Variants in CNTN5 observed in about 807,000 individuals in gnomAD.
CNTN5 encodes the protein contactin-5.
In CNTN5, 77 loss-of-function variants were observed where a neutral mutation model predicts 129.1. The observed-to-expected ratio is 0.60, with a 90% CI of 0.50 to 0.72. CNTN5 has a LOEUF of 0.72. CNTN5 is among the 30% of genes least tolerant of loss of function. CNTN5 has a pLI of 0.00. For missense variants in CNTN5, 1,478 were observed against 1,328.8 expected (o/e 1.11, Z -1.75); for synonymous variants, 509 against 465.6 (o/e 1.09, Z -1.20).
intron 9 of CNTN5, among the ~76,000 whole-genome samples, chr11:100,055,491 A>C (rs954829013): frequency 6.6e-6 from 1 of 151,682 alleles, no homozygotes; most frequent in East Asian, 1.9e-4. Flanking sequence ...AAACTTGTTC[A>C]ATATTTGTAG....
intron 1 of CNTN5, among the ~76,000 whole-genome samples, chr11:99,237,678 T>C (rs1046627567): frequency 1.1e-4 from 17 of 149,228 alleles, no homozygotes; most frequent in African/African-American, 4.1e-4. Context: ...AGACTCTGTC[T>C]CAAAAAGAAA....
At chr11:99,201,351 T>TTTCTTCCTTCCTTCCTTCCTTCC in intron 1 of CNTN5, among the ~76,000 whole-genome samples, 1 of 88,232 alleles carries the variant, frequency 1.1e-5, no homozygotes, top group Admixed American at 1.2e-4. Context: ...CTTCCTTTCC[T>TTTCTTCCTTCCTTCCTTCCTTCC]TTCCTTCCTT....
At chr11:99,023,216 T>C (rs1210761548) in intron 1 of CNTN5, among the ~76,000 whole-genome samples, 1 of 152,190 alleles carries the variant, frequency 6.6e-6, no homozygotes, top group Non-Finnish European at 1.5e-5. Context: ...ACATAGAATA[T>C]GTTTATGTAA....
rs571305986 is a variant in CNTN5, at chr11:99,941,622, G to A, written c.674-15184G>A. 6.3e-5 allele frequency among the ~76,000 whole-genome samples: 7 copies of A among 110,726 alleles called. No homozygotes were observed. In the South Asian group the frequency reaches 2.1e-3, roughly 34 times the overall value. 72.6% of individuals were successfully genotyped at this position (110,726 alleles called of 152,430 possible). On this transcript the variant is annotated intron_variant, in intron 7 of 24. Transcript: ENST00000524871. Reference sequence around the variant, plus strand: ...GAGATAGATAGAGATTGATTAGATTGATTATTGATAGTTCTAGTTAAGGTC... The same window carrying A: ...GAGATAGATAGAGATTGATTAGATTAATTATTGATAGTTCTAGTTAAGGTC...
chr11:99,510,170 G>C (rs1946781285), intron 2 of CNTN5, among the ~76,000 whole-genome samples: 2 of 151,910 alleles, frequency 1.3e-5, no homozygotes, highest in Admixed American at 6.6e-5. Context: ...CACAAGCAGA[G>C]AGTGCTTACA....
intron 9 of CNTN5, among the ~76,000 whole-genome samples, chr11:100,051,267 C>G (rs1032670744): frequency 1.2e-4 from 19 of 152,032 alleles, no homozygotes; most frequent in African/African-American, 4.1e-4. Flanking sequence ...AGTCTTACCC[C>G]TAAAAAAGAC....
chr11:99,201,022 CTTTTTT>C lies in CNTN5; in HGVS notation c.-209-124306_-209-124301del, dbSNP rs755605041. The stretch of plus-strand genomic sequence containing the variant: ...CCTGCCTTCCTTCCTTCCTTCCTTC[CTTTTTT>C]TTTTTTTTTTTTTTTTTCCAGAGTC... On this transcript the variant is annotated intron_variant, in intron 1 of 24. Coordinates refer to ENST00000524871, the MANE Select transcript of CNTN5 (RefSeq NM_014361.4). 4.8e-5 allele frequency among the ~76,000 whole-genome samples: 4 copies of C among 83,180 alleles called. No homozygotes were observed. In the East Asian group the frequency reaches 1.1e-3, roughly 24 times the overall value. 54.6% of individuals were successfully genotyped at this position (83,180 alleles called of 152,430 possible). A position where few individuals can be genotyped will look rare whatever the true frequency, so the allele number is the denominator to read the frequency against.
chr11:99,683,784 C>T (rs1433750452), intron 3 of CNTN5, among the ~76,000 whole-genome samples: 2 of 151,678 alleles, frequency 1.3e-5, no homozygotes, highest in Non-Finnish European at 3.0e-5. Flanking sequence ...ATTTGTCTTA[C>T]TGTAGTCAGT....
chr11:100,053,088 G>A (rs1943038570), intron 9 of CNTN5, among the ~76,000 whole-genome samples: 1 of 151,612 alleles, frequency 6.6e-6, no homozygotes. Flanking sequence ...GTAAATCTCT[G>A]TATTCTGTAT....
intron 13 of CNTN5, among the ~76,000 whole-genome samples, chr11:100,181,009 CT>C (rs1948124935): frequency 6.6e-6 from 1 of 151,942 alleles, no homozygotes; most frequent in Admixed American, 6.6e-5. Flanking sequence ...TCTTACGAAA[CT>C]ACATATGCAA....
chr11:99,637,590 AAGT>A (rs1404919443), intron 3 of CNTN5, among the ~76,000 whole-genome samples: 4 of 152,120 alleles, frequency 2.6e-5, no homozygotes, highest in African/African-American at 7.2e-5. Flanking sequence ...GTATTTTTTT[AAGT>A]AGTAGGAAAT....
chr11:99,650,505 A>G (rs569153335), intron 3 of CNTN5, among the ~76,000 whole-genome samples: 1 of 152,068 alleles, frequency 6.6e-6, no homozygotes, highest in South Asian at 2.1e-4. Flanking sequence ...CCATAAGAAC[A>G]TTACTGATTT....
At chr11:99,594,877 G>T (rs1326812617) in intron 3 of CNTN5, among the ~76,000 whole-genome samples, 1 of 152,160 alleles carries the variant, frequency 6.6e-6, no homozygotes, top group African/African-American at 2.4e-5. Context: ...AGGACACATA[G>T]GTGATAATAT....
chr11:99,500,485 C>T (rs954113992), intron 2 of CNTN5, among the ~76,000 whole-genome samples: 1 of 152,018 alleles, frequency 6.6e-6, no homozygotes, highest in African/African-American at 2.4e-5. Flanking sequence ...AATGTTTATA[C>T]CTACCCAAAA....
intron 9 of CNTN5, among the ~76,000 whole-genome samples, chr11:100,018,856 C>T (rs1351983164): frequency 1.3e-5 from 2 of 151,842 alleles, no homozygotes; most frequent in African/African-American, 4.8e-5. Context: ...GTAATTATGC[C>T]ATTTAATATG....
intron 3 of CNTN5, among the ~76,000 whole-genome samples, chr11:99,709,622 G>A (rs1954889541): frequency 6.6e-6 from 1 of 151,780 alleles, no homozygotes; most frequent in Non-Finnish European, 1.5e-5. Flanking sequence ...TCTAAATTGG[G>A]TAGTAATTCC....
At chr11:100,298,702 C>T (rs928399235) in intron 19 of CNTN5, among the ~76,000 whole-genome samples, 14 of 151,274 alleles carry the variant, frequency 9.3e-5, no homozygotes, top group African/African-American at 3.4e-4. Context: ...TTTTTCATGT[C>T]AGTAACCATA....
At position 99,213,301 on chromosome 11, in the gene CNTN5, TAATATATACATATATAAAATATATA is replaced by T. The variant is rs1410387651; in HGVS notation, c.-209-112022_-209-111998del. ...ATACATATAATATATATAACATATA[TAATATATACATATATAAAATATATA>T]AATATATACATATATAAAATATTAT... On this transcript the variant is annotated intron_variant, in intron 1 of 24. Transcript: ENST00000524871. Among the ~76,000 whole-genome samples the T allele has an allele frequency of 4.8e-5, 7 of 145,416 alleles. No homozygotes were observed. The East Asian group carries it at 5.9e-4, about 12-fold the overall frequency.
intron 8 of CNTN5, among the ~76,000 whole-genome samples, chr11:99,974,066 A>G (rs774931982): frequency 6.6e-6 from 1 of 152,224 alleles, no homozygotes; most frequent in Non-Finnish European, 1.5e-5. Context: ...TGTAGAGGAG[A>G]GATAGCAAGC....
Sources: gnomAD v4.1 joint callset for allele counts (sites outside exome capture counted in the v4.1 genomes callset) on GRCh38, gnomAD v4.1.1 for gene constraint, MANE v1.5 for transcripts, NCBI Gene and HGNC (gene_info 2026-07-23, HGNC 2026-07-21) for gene names.